CDH10: variants seen among roughly 807,000 people sequenced by gnomAD.
CDH10 encodes the protein cadherin-10.
In CDH10, 30 loss-of-function variants were observed where a neutral mutation model predicts 73.1. The observed-to-expected ratio is 0.41, with a 90% CI of 0.31 to 0.56. The LOEUF (loss-of-function observed/expected upper bound fraction) is 0.56. Ranked by LOEUF, CDH10 falls within the 20% of genes least tolerant of loss-of-function variation. The probability of loss-of-function intolerance (pLI) is 0.27; values close to 1 mark genes in which losing one functional copy is unlikely to be tolerated. For synonymous variants in CDH10, 345 were observed against 348.2 expected, an observed-to-expected ratio of 0.99 and a Z score of 0.10; for missense variants, 815 against 973.7, an observed-to-expected ratio of 0.84 and a Z score of 2.17.
chr5:24,508,161 C>T (rs1742767595), intron 7 of CDH10, among the ~76,000 whole-genome samples: 1 of 152,118 alleles, frequency 6.6e-6, no homozygotes, highest in Non-Finnish European at 1.5e-5. Flanking sequence ...GAAAATTAGC[C>T]TGCAGAGATT....
At chr5:24,535,013 A>G in intron 5 of CDH10, 99 bp downstream of exon 5, 3 of 1,103,802 alleles carry the variant, frequency 2.7e-6, no homozygotes, top group Non-Finnish European at 3.9e-6. Flanking sequence ...TTTAAATTAA[A>G]TGAATGACAA....
intron 2 of CDH10, among the ~76,000 whole-genome samples, chr5:24,542,877 C>T (rs1438227257): frequency 6.6e-6 from 1 of 152,090 alleles, no homozygotes; most frequent in Admixed American, 6.5e-5. Flanking sequence ...ACCTTCACAC[C>T]TAAGCGCCTC....
chr5:24,562,307 T>C (rs1744990048), intron 2 of CDH10, among the ~76,000 whole-genome samples: 1 of 152,104 alleles, frequency 6.6e-6, no homozygotes, highest in African/African-American at 2.4e-5. Context: ...TCAAGAAGTA[T>C]TATCTCCCCC....
At chr5:24,501,783 G>GT (rs1742506107) in intron 8 of CDH10, among the ~76,000 whole-genome samples, 1 of 152,168 alleles carries the variant, frequency 6.6e-6, no homozygotes, top group Non-Finnish European at 1.5e-5. Flanking sequence ...TCCACAGAAT[G>GT]TATTGCAATG....
chr5:24,573,854 A>G (rs1002549256), intron 2 of CDH10, among the ~76,000 whole-genome samples: 1 of 147,666 alleles, frequency 6.8e-6, no homozygotes, highest in Non-Finnish European at 1.5e-5. Flanking sequence ...TATTATATAT[A>G]TTTATATTTA....
intron 1 of CDH10, among the ~76,000 whole-genome samples, chr5:24,624,681 G>C (rs1273731765): frequency 1.3e-5 from 2 of 152,114 alleles, no homozygotes; most frequent in Non-Finnish European, 2.9e-5. Context: ...GCCAATGTTT[G>C]ATGAAAGCAA....
At chr5:24,607,810 T>C (rs1746809881) in intron 1 of CDH10, among the ~76,000 whole-genome samples, 1 of 152,176 alleles carries the variant, frequency 6.6e-6, no homozygotes, top group Non-Finnish European at 1.5e-5. Flanking sequence ...TTTTTGTGAG[T>C]GTTTCATTAA....
In CDH10 at chr5:24,571,001, A is replaced by T. The variant is rs534128047; in HGVS notation, c.231+22259T>A. ...ACTTGTTCCTGATGACGTGTTTTAA[A>T]ATTTGGTCTGGATAAAGTAGAGGAA... On this transcript the variant is annotated intron_variant, in intron 2 of 11. Coordinates refer to ENST00000264463, the MANE Select transcript of CDH10 (RefSeq NM_006727.5). 2.6e-5 allele frequency among the ~76,000 whole-genome samples: 4 copies of T among 152,218 alleles called. No homozygotes were observed. In the East Asian group the frequency reaches 7.7e-4, roughly 29 times the overall value.
Position 24,492,870 on chromosome 5 carries a change from A to C in CDH10, c.1571T>G (p.Phe524Cys). ...ATTGACAGCAGCTAAACTGAAAAAA[A>C]ATTTCTGTCCACCTAAAGGGTCATC... is the stretch of plus-strand genomic sequence containing the variant. ...DKDDPLGGQK[F>C]FFSLAAVNPN... The change falls in exon 10 of 12, where the codon TTT (phenylalanine) becomes TGT (cysteine). Residue 524 changes from phenylalanine (F) to cysteine (C), a missense_variant. Around this residue, in one of 3 missense-constraint regions of CDH10, gnomAD observed 516 missense variants for 636.6 expected, o/e 0.81. Coordinates refer to ENST00000264463, the MANE Select transcript of CDH10 (RefSeq NM_006727.5). 1 of 1,595,868 alleles carries C rather than the reference A, an allele frequency of 6.3e-7. No homozygotes were observed. Among genetic ancestry groups the C allele is most frequent in the Non-Finnish European group, 8.6e-7 (1 of 1,163,686 alleles).
rs527409444 is a variant in CDH10 at position 24,636,343 on chromosome 5, A to C, written c.-124+8251T>G. ...CCACGATCCATGCTTTTATCTGTCA[A>C]AGGACCTTGTGAGAGCACTTACGTT... On this transcript the variant is annotated intron_variant, in intron 1 of 11. Coordinates refer to ENST00000264463, the MANE Select transcript of CDH10 (RefSeq NM_006727.5). Among the ~76,000 whole-genome samples the C allele has an allele frequency of 3.7e-4, 56 of 152,118 alleles. No individual in the cohort carries two copies. The South Asian group carries it at 0.011, about 29-fold the overall frequency.
At chr5:24,568,333 A>T (rs1745239409) in intron 2 of CDH10, among the ~76,000 whole-genome samples, 1 of 152,224 alleles carries the variant, frequency 6.6e-6, no homozygotes, top group Non-Finnish European at 1.5e-5. Flanking sequence ...AAAAGATCAA[A>T]GAAATGTAAT....
intron 2 of CDH10, among the ~76,000 whole-genome samples, chr5:24,590,272 T>C (rs994220547): frequency 2.6e-5 from 4 of 151,648 alleles, no homozygotes; most frequent in African/African-American, 7.3e-5. Flanking sequence ...TCCCTTTCTC[T>C]CTCCTCCTCT....
chr5:24,587,366 A>G (rs1746059145), intron 2 of CDH10, among the ~76,000 whole-genome samples: 1 of 152,222 alleles, frequency 6.6e-6, no homozygotes, highest in African/African-American at 2.4e-5. Flanking sequence ...AAAGAGCATT[A>G]TTCTTCAATA....
At chr5:24,579,635 T>A (rs375679308) in intron 2 of CDH10, among the ~76,000 whole-genome samples, 2 of 152,276 alleles carry the variant, frequency 1.3e-5, no homozygotes, top group East Asian at 3.9e-4. Flanking sequence ...CTCCTCATTC[T>A]TGACTTAGCA....
At chr5:24,619,866 G>A (rs564674384) in intron 1 of CDH10, among the ~76,000 whole-genome samples, 20 of 152,178 alleles carry the variant, frequency 1.3e-4, no homozygotes, top group Admixed American at 2.0e-4. Flanking sequence ...AGAGGGCCTC[G>A]CCGTATACTG....
rs536253443 is a variant in CDH10 at position 24,626,796 on chromosome 5, G to A, written c.-124+17798C>T. Among the ~76,000 whole-genome samples the A allele has an allele frequency of 3.4e-3, 489 of 144,782 alleles. 1 individual carries two copies. Among genetic ancestry groups the A allele is most frequent in the Admixed American group, 7.0e-3 (100 of 14,368 alleles). The allele number at this position is 144,782 out of a possible 152,430, so 95.0% of individuals were successfully genotyped here. A position where few individuals can be genotyped will look rare whatever the true frequency, so the allele number is the denominator to read the frequency against. ...CTCAAAAACCTATATATATATATGT[G>A]TGTGTGTGTGTGTGTGTGTGTATAA... On this transcript the variant is annotated intron_variant, in intron 1 of 11. Coordinates refer to ENST00000264463, the MANE Select transcript of CDH10 (RefSeq NM_006727.5).
In CDH10 at chr5:24,528,326, T is replaced by C. The variant is rs777709401; in HGVS notation, c.814+6786A>G. On this transcript the variant is annotated intron_variant, in intron 5 of 11. Transcript: ENST00000264463. ...GGGGCATACCTGACAGTTGCTCTAG[T>C]TGAAAAGTGCTTGATAATTTTAAAA... Among the ~76,000 whole-genome samples, 25 of 152,044 alleles carry C rather than the reference T, an allele frequency of 1.6e-4. No homozygotes were observed. In the East Asian group the frequency reaches 4.3e-3, roughly 26 times the overall value.
At chr5:24,629,852 T>C (rs1747644454) in intron 1 of CDH10, among the ~76,000 whole-genome samples, 1 of 152,272 alleles carries the variant, frequency 6.6e-6, no homozygotes, top group South Asian at 2.1e-4. Flanking sequence ...TACCCAGTCA[T>C]GGGCAGTTCT....
intron 2 of CDH10, chr5:24,578,418 G>A: frequency 3.4e-6 from 1 of 294,438 alleles, no homozygotes; most frequent in Non-Finnish European, 7.1e-6. Context: ...TCTGGCCATG[G>A]AGACTTTATT....
Sources: gnomAD v4.1 joint callset for allele counts (sites outside exome capture counted in the v4.1 genomes callset) on GRCh38, gnomAD v4.1.1 for gene constraint, gnomAD v4.1.1 regional missense constraint, MANE v1.5 for transcripts, NCBI Gene and HGNC (gene_info 2026-07-23, HGNC 2026-07-21) for gene names.